Variants in USP48 observed in about 807,000 individuals in gnomAD.
The protein encoded by USP48 is ubiquitin specific peptidase 48.
In USP48, 43 loss-of-function variants were observed where a neutral mutation model predicts 150.7. The observed-to-expected ratio is 0.29, with a 90% CI of 0.22 to 0.37. USP48 has a LOEUF of 0.37. Among genes scored for constraint, USP48 ranks in the 10% least tolerant of loss-of-function variants. The probability of loss-of-function intolerance (pLI) is 1.00; values close to 1 mark genes in which losing one functional copy is unlikely to be tolerated. For synonymous variants in USP48, 396 were observed against 425.9 expected, an observed-to-expected ratio of 0.93 and a Z score of 0.86; for missense variants, 813 against 1,249.6, an observed-to-expected ratio of 0.65 and a Z score of 5.27.
intron 8 of USP48, among the ~76,000 whole-genome samples, chr1:21,740,736 A>G (rs1217181247): frequency 1.3e-5 from 2 of 152,240 alleles, no homozygotes; most frequent in Non-Finnish European, 2.9e-5. Context: ...GGAAATAGCA[A>G]ATACATAAAT....
intron 4 of USP48, 32 bp from the exon 5 acceptor site, chr1:21,752,683 AT>A: frequency 6.4e-7 from 1 of 1,567,092 alleles, no homozygotes; most frequent in Non-Finnish European, 8.6e-7. Flanking sequence ...AAGAAAAATC[AT>A]ATCTTGCTTT....
chr1:21,704,193 C>A (rs1463497083), intron 20 of USP48, 69 bp downstream of exon 20: 5 of 1,553,918 alleles, frequency 3.2e-6, no homozygotes, highest in Non-Finnish European at 3.5e-6. Context: ...GCAGACAACA[C>A]TGACACACCC....
chr1:21,737,910 T>C (rs1292168175), intron 8 of USP48, among the ~76,000 whole-genome samples: 1 of 152,136 alleles, frequency 6.6e-6, no homozygotes, highest in African/African-American at 2.4e-5. Flanking sequence ...TTTTTTTTTT[T>C]TTCCCTGAGA....
At chr1:21,722,122 T>C (rs537660383) in intron 12 of USP48, among the ~76,000 whole-genome samples, 2 of 152,140 alleles carry the variant, frequency 1.3e-5, no homozygotes, top group South Asian at 2.1e-4. Flanking sequence ...ATGATCTTCA[T>C]GTGAAAGTGA....
At chr1:21,740,780 GA>G (rs2097779813) in intron 8 of USP48, among the ~76,000 whole-genome samples, 1 of 152,158 alleles carries the variant, frequency 6.6e-6, no homozygotes, top group Non-Finnish European at 1.5e-5. Flanking sequence ...AATAAATGAT[GA>G]AATTAAGAGG....
chr1:21,706,110 C>T lies in USP48; in HGVS notation c.2273+16G>A, dbSNP rs2097671641. 6.2e-7 allele frequency: 1 copy of T among 1,610,878 alleles called. No individual in the cohort carries two copies. The highest frequency in any genetic ancestry group is 1.7e-5 in the Admixed American group (1 of 59,722). On this transcript the variant is annotated intron_variant, in intron 18 of 26. Transcript: ENST00000308271. ...ATCAGTAACAATAAAGGAAATAAAA[C>T]ATATTTTGTTTCTACCTAACAAATT... is the stretch of plus-strand genomic sequence containing the variant.
chr1:21,779,458 ATCGCTT>A (rs1044218645), intron 1 of USP48, among the ~76,000 whole-genome samples: 3 of 151,976 alleles, frequency 2.0e-5, no homozygotes, highest in Non-Finnish European at 4.4e-5. Flanking sequence ...AGGCACAAGA[ATCGCTT>A]GAACCTAGGA....
At chr1:21,687,408 C>T (rs1350046602) in intron 24 of USP48, among the ~76,000 whole-genome samples, 169 bp from the exon 25 acceptor site, 1 of 152,146 alleles carries the variant, frequency 6.6e-6, no homozygotes, top group Non-Finnish European at 1.5e-5. Flanking sequence ...CAGCAGATGC[C>T]CTGCTGGCTA....
intron 15 of USP48, among the ~76,000 whole-genome samples, chr1:21,709,978 T>C (rs916664654): frequency 2.0e-5 from 3 of 152,114 alleles, no homozygotes; most frequent in Non-Finnish European, 4.4e-5. Context: ...ATATTAACTA[T>C]GAATATTAAT....
At chr1:21,728,186 T>TGTTAAAAC (rs1206766641) in intron 11 of USP48, 20 of 996,820 alleles carry the variant, frequency 2.0e-5, no homozygotes, top group Non-Finnish European at 2.3e-5. Flanking sequence ...ATAGAATGTC[T>TGTTAAAAC]GTTAAAACTG....
intron 9 of USP48, chr1:21,732,937 A>G (rs1374519847): frequency 6.4e-6 from 1 of 155,258 alleles, no homozygotes; most frequent in East Asian, 1.9e-4. Flanking sequence ...TAGATTTTAA[A>G]ATGTGCAAAG....
intron 8 of USP48, among the ~76,000 whole-genome samples, chr1:21,743,244 G>T (rs968009334): frequency 6.6e-6 from 1 of 152,156 alleles, no homozygotes; most frequent in Non-Finnish European, 1.5e-5. Flanking sequence ...CTAGAAATGC[G>T]TCATCCTCCA....
intron 24 of USP48, among the ~76,000 whole-genome samples, chr1:21,687,933 G>A (rs1052983797): frequency 1.7e-4 from 26 of 152,204 alleles, no homozygotes; most frequent in Admixed American, 1.3e-3. Context: ...GGAGGGGTTA[G>A]GTGGTGGGAT....
At chr1:21,684,552 T>C (rs186260679) in intron 25 of USP48, among the ~76,000 whole-genome samples, 1 of 152,250 alleles carries the variant, frequency 6.6e-6, no homozygotes, top group Non-Finnish European at 1.5e-5. Context: ...TTTAGTTTAA[T>C]ATAGTCCATT....
Position 21,729,696 on chromosome 1 carries a change from T to C in USP48, c.1300+8A>G. On this transcript the variant is annotated splice_region_variant and intron_variant, in intron 10 of 26. Transcript: ENST00000308271. ...TTTGCCTGCTATAATCCTGGAAAAC[T>C]GCTTTACCTGGAACTTGAACAGTAG... is the stretch of plus-strand genomic sequence containing the variant. 1 of 1,612,708 alleles carries C rather than the reference T, an allele frequency of 6.2e-7. No homozygotes were observed. The highest frequency in any genetic ancestry group is 8.5e-7 in the Non-Finnish European group (1 of 1,178,988).
intron 1 of USP48, among the ~76,000 whole-genome samples, chr1:21,781,593 G>C (rs751652698): frequency 6.6e-5 from 10 of 152,176 alleles, no homozygotes; most frequent in Non-Finnish European, 1.5e-4. Context: ...ACTGAGTCGG[G>C]CGTGGTGGCC....
At chr1:21,747,871 C>A (rs758702384) in intron 7 of USP48, among the ~76,000 whole-genome samples, 1 of 152,210 alleles carries the variant, frequency 6.6e-6, no homozygotes, top group Non-Finnish European at 1.5e-5. Context: ...CCGCACCCGG[C>A]CCTTGCAGTT....
At chr1:21,748,423 T>G (rs2152573676) in intron 6 of USP48, 152 bp from the exon 7 acceptor site, 1 of 680,764 alleles carries the variant, frequency 1.5e-6, no homozygotes, top group East Asian at 2.8e-5. Context: ...CACACAAAAG[T>G]AATGGGAACT....
chr1:21,717,550 G>A (rs977054734), intron 14 of USP48, among the ~76,000 whole-genome samples: 1 of 152,036 alleles, frequency 6.6e-6, no homozygotes, highest in Admixed American at 6.6e-5. Flanking sequence ...TTTTCTCTCT[G>A]TCACACACAC....
Sources: gnomAD v4.1 joint callset for allele counts (sites outside exome capture counted in the v4.1 genomes callset) on GRCh38, gnomAD v4.1.1 for gene constraint, MANE v1.5 for transcripts, NCBI Gene and HGNC (gene_info 2026-07-23, HGNC 2026-07-21) for gene names.